Variants in CAST observed in about 807,000 individuals in gnomAD.
CAST encodes the protein calpastatin, also known as MIR583 host.
Under a neutral mutation model 119.6 loss-of-function variants are expected in CAST, and 76 were observed. The observed-to-expected ratio is 0.64, with a 90% CI of 0.53 to 0.77. CAST has a LOEUF of 0.77. Ranked by LOEUF, CAST falls within the 30% of genes least tolerant of loss-of-function variation. The probability of loss-of-function intolerance (pLI) is 0.00; values close to 1 mark genes in which losing one functional copy is unlikely to be tolerated. For missense variants in CAST, 953 were observed against 946.5 expected, an observed-to-expected ratio of 1.01 and a Z score of -0.09; for synonymous variants, 319 against 331.6, an observed-to-expected ratio of 0.96 and a Z score of 0.41.
intron 10 of CAST, 146 bp downstream of exon 10, chr5:96,736,386 A>C: frequency 1.8e-6 from 1 of 541,338 alleles, no homozygotes; most frequent in Admixed American, 3.7e-5. Context: ...CTAATATTGA[A>C]AGTGTGGGTT....
chr5:96,450,440 G>A, the CAST span, among the ~76,000 whole-genome samples: 2 of 152,156 alleles, frequency 1.3e-5, no homozygotes, highest in Non-Finnish European at 2.9e-5. Context: ...ACTCCAAAAG[G>A]TGGGAGGGTG....
chr5:96,248,069 T>C, the CAST span: 14 of 152,370 alleles, frequency 9.2e-5, no homozygotes, highest in African/African-American at 3.1e-4. Flanking sequence ...GGGCTTCATC[T>C]TGGCTTTCTG....
At chr5:96,043,897 G>C in the CAST span, among the ~76,000 whole-genome samples, 1 of 152,002 alleles carries the variant, frequency 6.6e-6, no homozygotes, top group Non-Finnish European at 1.5e-5. Context: ...ATCAATGCAG[G>C]GAAGGCAAAC....
At chr5:96,325,074 G>A in the CAST span, among the ~76,000 whole-genome samples, 1 of 152,090 alleles carries the variant, frequency 6.6e-6, no homozygotes, top group Non-Finnish European at 1.5e-5. Context: ...GTATGGTGGT[G>A]AGCACCTGTA....
the CAST span, among the ~76,000 whole-genome samples, chr5:96,488,786 C>T: frequency 3.3e-5 from 5 of 151,924 alleles, no homozygotes; most frequent in Non-Finnish European, 7.4e-5. Flanking sequence ...TCCCAATGTC[C>T]TGGCATTAAG....
chr5:96,513,731 A>AT, the CAST span, among the ~76,000 whole-genome samples: 9 of 152,298 alleles, frequency 5.9e-5, no homozygotes, highest in Non-Finnish European at 8.8e-5. Context: ...AAAAGTCCTG[A>AT]TTTTTTTGAA....
At chr5:96,457,075 G>A in the CAST span, among the ~76,000 whole-genome samples, 22,921 of 151,946 alleles carry the variant, frequency 0.15, 1,796 homozygotes, top group African/African-American at 0.17. Flanking sequence ...TATTAGCAGC[G>A]TGAGAACAGA....
chr5:96,485,835 G>A, the CAST span, among the ~76,000 whole-genome samples: 23 of 152,134 alleles, frequency 1.5e-4, no homozygotes, highest in African/African-American at 5.3e-4. Flanking sequence ...AGGACTCATG[G>A]AAGCATCCTT....
rs970260031 is a variant in CAST at position 96,590,250 on chromosome 5, T to A, written c.60+60370T>A. ...ATCTCAGACCTACTGAATCAGAATA[T>A]GCATTTTTAGTGAGATACCCAGATG... is the stretch of plus-strand genomic sequence containing the variant. On this transcript the variant is annotated intron_variant, in intron 1 of 11. Transcript: ENST00000505143. Among the ~76,000 whole-genome samples, 48 of 152,336 alleles carry A rather than the reference T, an allele frequency of 3.2e-4. 1 individual carries two copies. The highest frequency in any genetic ancestry group is 3.4e-3 in the Middle Eastern group (1 of 294).
chr5:96,495,046 A>G, the CAST span, among the ~76,000 whole-genome samples: 1 of 146,700 alleles, frequency 6.8e-6, no homozygotes, highest in Admixed American at 7.1e-5. Context: ...TGAACCCGGG[A>G]GGCGGAGGTT....
the CAST span, chr5:96,423,602 GA>G: frequency 1.3e-6 from 1 of 768,366 alleles, no homozygotes; most frequent in Non-Finnish European, 2.2e-6. Context: ...AGTGAAATGA[GA>G]AAACAAAGTT....
At chr5:96,446,812 G>A in the CAST span, among the ~76,000 whole-genome samples, 4 of 151,952 alleles carry the variant, frequency 2.6e-5, no homozygotes, top group South Asian at 2.1e-4. Context: ...ATGTTGCCTG[G>A]GCTAGAAAAA....
the CAST span, among the ~76,000 whole-genome samples, chr5:96,205,294 C>T: frequency 6.6e-6 from 1 of 152,032 alleles, no homozygotes; most frequent in African/African-American, 2.4e-5. Flanking sequence ...AATTGTGCCT[C>T]TGGTGTCAAG....
At chr5:96,725,386 G>T (rs1759067678) in intron 4 of CAST, among the ~76,000 whole-genome samples, 1 of 152,162 alleles carries the variant, frequency 6.6e-6, no homozygotes, top group Non-Finnish European at 1.5e-5. Context: ...ATTGTCTGTT[G>T]GCCACTACTG....
At chr5:96,450,145 G>A in the CAST span, among the ~76,000 whole-genome samples, 50 of 152,172 alleles carry the variant, frequency 3.3e-4, 1 homozygote, top group Admixed American at 3.3e-3. Context: ...CAAAGTCATG[G>A]ATTCCACCTA....
the CAST span, among the ~76,000 whole-genome samples, chr5:96,517,632 C>T: frequency 2.0e-5 from 3 of 152,146 alleles, no homozygotes; most frequent in African/African-American, 7.2e-5. Context: ...AGCAAGTTGA[C>T]AGTGTGAAAT....
intron 1 of CAST, among the ~76,000 whole-genome samples, chr5:96,669,783 G>T (rs1749825188): frequency 1.3e-5 from 2 of 152,174 alleles, no homozygotes; most frequent in Non-Finnish European, 2.9e-5. Flanking sequence ...GACTCAGTGG[G>T]ATGGTTTGAG....
At chr5:96,654,027 C>CTTTTT (rs71617134) in intron 1 of CAST, among the ~76,000 whole-genome samples, 44 of 126,890 alleles carry the variant, frequency 3.5e-4, no homozygotes, top group South Asian at 7.7e-4. Context: ...CTTTTCTTTT[C>CTTTTT]TTTTTTTTTT....
chr5:96,333,510 G>A, the CAST span, among the ~76,000 whole-genome samples: 1 of 151,864 alleles, frequency 6.6e-6, no homozygotes, highest in African/African-American at 2.4e-5. Flanking sequence ...TTCTTGCTTG[G>A]TCTTCCCGAC....
Sources: gnomAD v4.1 joint callset for allele counts (sites outside exome capture counted in the v4.1 genomes callset) on GRCh38, gnomAD v4.1.1 for gene constraint, MANE v1.5 for transcripts, NCBI Gene and HGNC (gene_info 2026-07-23, HGNC 2026-07-21) for gene names.